PRKN: variants seen among roughly 807,000 people sequenced by gnomAD.
The protein encoded by PRKN is parkin RBR E3 ubiquitin protein ligase.
In PRKN, 56 loss-of-function variants were observed where a neutral mutation model predicts 59.5. The observed-to-expected ratio is 0.94, with a 90% CI of 0.76 to 1.18. The LOEUF is 1.18. Ranked by LOEUF, PRKN falls within the 50% of genes most tolerant of loss-of-function variation. PRKN has a pLI of 0.00. For synonymous variants in PRKN, 250 were observed against 222.1 expected (o/e 1.13, Z -1.12); for missense variants, 657 against 596.4 (o/e 1.10, Z -1.06).
At chr6:162,563,323 A>G (rs1366911183) in intron 1 of PRKN, among the ~76,000 whole-genome samples, 9 of 33,834 alleles carry the variant, frequency 2.7e-4, no homozygotes, top group Non-Finnish European at 5.1e-4. Context: ...AAAACAAAAA[A>G]AAAAAAACAA....
intron 1 of PRKN, among the ~76,000 whole-genome samples, chr6:162,685,701 CA>C (rs1221754346): frequency 3.3e-5 from 5 of 152,140 alleles, no homozygotes; most frequent in Non-Finnish European, 7.3e-5. Context: ...TCACCACTAC[CA>C]AAATCTATAT....
rs973967602 is a variant in PRKN at position 162,446,762 on chromosome 6, T to G, written c.8-3289A>C. 3.9e-5 allele frequency among the ~76,000 whole-genome samples: 6 copies of G among 152,310 alleles called. No individual in the cohort carries two copies. The South Asian group carries it at 1.2e-3, about 32-fold the overall frequency. Reference sequence around the variant, plus strand: ...AAAAATGGCTAGTGCTGAATGGCAGTAATGTGATTTGAGTGGGTCTCAACC... The same window carrying G: ...AAAAATGGCTAGTGCTGAATGGCAGGAATGTGATTTGAGTGGGTCTCAACC... On this transcript the variant is annotated intron_variant, in intron 1 of 11. Coordinates refer to ENST00000366898, the MANE Select transcript of PRKN (RefSeq NM_004562.3).
At chr6:162,021,157 TATATATATAA>T (rs1783157793) in intron 5 of PRKN, among the ~76,000 whole-genome samples, 2 of 20,284 alleles carry the variant, frequency 9.9e-5, no homozygotes, top group African/African-American at 3.3e-4. Context: ...TATATATATA[TATATATATAA>T]AATATATGTG....
intron 9 of PRKN, among the ~76,000 whole-genome samples, chr6:161,491,756 G>A (rs145903775): frequency 2.0e-5 from 3 of 151,972 alleles, no homozygotes; most frequent in African/African-American, 7.3e-5. Flanking sequence ...TGAGCCTCCT[G>A]AGTAGCTGGG....
Position 161,407,106 on chromosome 6 carries a change from T to C in PRKN, c.1084-20229A>G, listed in dbSNP as rs1248391357. ...TACATAAAAGCCTCTATAATGAGTA[T>C]GCTATATTTGTCATTAAAATGTCTT... On this transcript the variant is annotated intron_variant, in intron 9 of 11. Transcript: ENST00000366898. The surrounding 1 kb of genome is among the most constrained non-coding windows in gnomAD (Gnocchi z 4.9). Among the ~76,000 whole-genome samples the C allele has an allele frequency of 6.6e-6, 1 of 152,200 alleles. No homozygotes were observed. Among genetic ancestry groups the C allele is most frequent in the Non-Finnish European group, 1.5e-5 (1 of 68,048 alleles).
chr6:161,990,248 C>G (rs968582915), intron 5 of PRKN, among the ~76,000 whole-genome samples: 4 of 152,150 alleles, frequency 2.6e-5, no homozygotes, highest in East Asian at 3.9e-4. Context: ...AAGTGCTGCC[C>G]GAGCCACTGA....
intron 7 of PRKN, among the ~76,000 whole-genome samples, chr6:161,749,250 T>A (rs1388084081): frequency 6.6e-6 from 1 of 152,220 alleles, no homozygotes; most frequent in Non-Finnish European, 1.5e-5. Context: ...AGGGAGAAGC[T>A]GTGTCACATC....
chr6:161,880,951 T>A (rs1794913371), intron 6 of PRKN, among the ~76,000 whole-genome samples: 1 of 152,162 alleles, frequency 6.6e-6, no homozygotes, highest in African/African-American at 2.4e-5. Flanking sequence ...ACTCAAACAG[T>A]ACCTCCAGAA....
intron 2 of PRKN, among the ~76,000 whole-genome samples, chr6:162,296,299 G>T (rs1781675920): frequency 6.7e-6 from 1 of 149,390 alleles, no homozygotes; most frequent in African/African-American, 2.5e-5. Flanking sequence ...CCAGCCAGGG[G>T]CCTTGACAAG....
intron 1 of PRKN, among the ~76,000 whole-genome samples, chr6:162,622,205 C>A (rs1194907024): frequency 6.6e-6 from 1 of 152,102 alleles, no homozygotes; most frequent in Non-Finnish European, 1.5e-5. Flanking sequence ...CTGTGATAAT[C>A]ATACTTTTAA....
In PRKN at chr6:162,258,236, T is replaced by C. The variant is rs113627318; in HGVS notation, c.412+4289A>G. ...CACTTACTAGCTGCTCCAAATAGAATAGCTCCGTTGAGGTAGGCATCTTGT... is the reference window on the plus strand; with the variant it reads ...CACTTACTAGCTGCTCCAAATAGAACAGCTCCGTTGAGGTAGGCATCTTGT... On this transcript the variant is annotated intron_variant, in intron 3 of 11. Transcript: ENST00000366898. 1.4e-3 allele frequency among the ~76,000 whole-genome samples: 214 copies of C among 152,302 alleles called. 7 individuals carry two copies. Among genetic ancestry groups the C allele is most frequent in the African/African-American group, 4.9e-3 (204 of 41,574 alleles).
At chr6:162,480,787 A>G (rs1285046415) in intron 1 of PRKN, among the ~76,000 whole-genome samples, 1 of 152,126 alleles carries the variant, frequency 6.6e-6, no homozygotes, top group African/African-American at 2.4e-5. Flanking sequence ...ATAGTATGGA[A>G]GGAGACAGTG....
intron 6 of PRKN, 21 bp from the exon 7 acceptor site, chr6:161,785,929 G>A (rs1196858255): frequency 6.2e-7 from 1 of 1,613,320 alleles, no homozygotes; most frequent in African/African-American, 1.3e-5. Flanking sequence ...AAAGGAAGAT[G>A]TTTCCTCTAG....
intron 1 of PRKN, among the ~76,000 whole-genome samples, chr6:162,703,090 A>G (rs1006949274): frequency 2.0e-5 from 3 of 152,208 alleles, no homozygotes; most frequent in African/African-American, 7.2e-5. Flanking sequence ...ACATTGTATG[A>G]GTCCACTAAG....
At chr6:161,789,364 T>C (rs983149481) in intron 6 of PRKN, among the ~76,000 whole-genome samples, 1 of 152,042 alleles carries the variant, frequency 6.6e-6, no homozygotes, top group African/African-American at 2.4e-5. Context: ...AAACTGCCCC[T>C]CCCCTACCGT....
At chr6:161,681,412 C>T (rs1402082066) in intron 7 of PRKN, among the ~76,000 whole-genome samples, 1 of 151,158 alleles carries the variant, frequency 6.6e-6, no homozygotes, top group African/African-American at 2.4e-5. Flanking sequence ...TCATTTTTAC[C>T]TTTTTCCAAT....
intron 6 of PRKN, among the ~76,000 whole-genome samples, chr6:161,828,389 AAATACG>A (rs1186624063): frequency 1.3e-5 from 2 of 152,234 alleles, no homozygotes; most frequent in Admixed American, 1.3e-4. Context: ...AGAGTATTAC[AAATACG>A]ACTCTGTGGT....
intron 1 of PRKN, among the ~76,000 whole-genome samples, chr6:162,479,448 T>G (rs956816422): frequency 2.0e-5 from 3 of 152,078 alleles, no homozygotes; most frequent in Non-Finnish European, 4.4e-5. Flanking sequence ...AGGCTGGTCT[T>G]GAACTCCGTA....
intron 1 of PRKN, among the ~76,000 whole-genome samples, chr6:162,499,615 G>A (rs1793270007): frequency 6.6e-6 from 1 of 152,174 alleles, no homozygotes; most frequent in Non-Finnish European, 1.5e-5. Context: ...TGTCTTCAAA[G>A]GTTGAAAGAC....
Sources: gnomAD v4.1 joint callset for allele counts (sites outside exome capture counted in the v4.1 genomes callset) on GRCh38, gnomAD v4.1.1 for gene constraint, Gnocchi (gnomAD v3.1) non-coding constraint, MANE v1.5 for transcripts, NCBI Gene and HGNC (gene_info 2026-07-23, HGNC 2026-07-21) for gene names.